HMSD: variants seen among roughly 807,000 people sequenced by gnomAD.
HMSD encodes serpin-like protein HMSD.
A neutral mutation model predicts 10.0 loss-of-function variants in HMSD; 13 were observed. That is an observed-to-expected ratio of 1.31 (90% CI 0.85 to 2.08). The LOEUF (loss-of-function observed/expected upper bound fraction) is 2.08. HMSD is among the 30% of genes most tolerant of loss of function. HMSD has a pLI of 0.00. For synonymous variants in HMSD, 51 were observed against 54.2 expected (o/e 0.94, Z 0.26); for missense variants, 169 against 166.3 (o/e 1.02, Z -0.09).
rs549816368 is a variant in HMSD at position 63,961,617 on chromosome 18, G to A, written c.*1262G>A. ...AGCTGTACCCTCCCTGGGTCTCAAC[G>A]TGGCTCACTTCCCTCCAGCCTGGAA... On this transcript the variant is annotated 3_prime_UTR_variant, in exon 4 of 4. Coordinates refer to ENST00000408945, the MANE Select transcript of HMSD (RefSeq NM_001123366.2). The A allele has an allele frequency of 1.2e-4, 18 of 152,382 alleles. No individual in the cohort carries two copies. The highest frequency in any genetic ancestry group is 4.1e-4 in the African/African-American group (17 of 41,548). The allele number at this position is 152,382 out of a possible 1,614,324, so 9.4% of individuals were successfully genotyped here.
rs1456546753 is a variant in HMSD, at chr18:63,960,253, C to T, written c.318C>T (p.Ser106=). The change falls in exon 4 of 4, where the codon TCC becomes TCT. Residue 106 remains serine, a synonymous_variant. Coordinates refer to ENST00000408945, the MANE Select transcript of HMSD (RefSeq NM_001123366.2). ...AGAAGTCCACAACACGTGTAAACTC[C>T]TGGGTTGCTGATAAAACTAAAGGTG... ...DTEKSTTRVN[S]WVADKTKGEN... The T allele has an allele frequency of 2.0e-5, 32 of 1,613,390 alleles. No homozygotes were observed. The highest frequency in any genetic ancestry group is 2.7e-5 in the Non-Finnish European group (32 of 1,179,778).
chr18:63,967,547 G>A (rs1197181786), intron 3 of HMSD, among the ~76,000 whole-genome samples: 1 of 152,178 alleles, frequency 6.6e-6, no homozygotes, highest in Admixed American at 6.5e-5. Flanking sequence ...TTCTTGACAA[G>A]TGGAAGTCTA....
intron 2 of HMSD, among the ~76,000 whole-genome samples, 166 bp downstream of exon 2, chr18:63,953,693 G>C (rs1454290753): frequency 6.6e-6 from 1 of 152,212 alleles, no homozygotes; most frequent in African/African-American, 2.4e-5. Flanking sequence ...TTCAAGGCCT[G>C]ACCTTCTTGG....
intron 3 of HMSD, among the ~76,000 whole-genome samples, chr18:63,955,753 A>G (rs2050354717): frequency 6.6e-6 from 1 of 152,118 alleles, no homozygotes; most frequent in South Asian, 2.1e-4. Flanking sequence ...CCATGTCGAG[A>G]TCCATCTAGG....
downstream of HMSD, among the ~76,000 whole-genome samples, chr18:63,963,148 TCTCTC>T (rs1460258889): frequency 4.0e-4 from 56 of 138,834 alleles, no homozygotes; most frequent in South Asian, 4.4e-4. Flanking sequence ...CTTTCTTCTC[TCTCTC>T]TTCTTTCTTT....
In HMSD at chr18:63,960,496, C is replaced by G. The variant is rs2050380849; in HGVS notation, c.*141C>G. 3 of 1,265,426 alleles carry G rather than the reference C, an allele frequency of 2.4e-6. No homozygotes were observed. Among genetic ancestry groups the G allele is most frequent in the African/African-American group, 3.1e-5 (2 of 65,060 alleles). 78.4% of individuals were successfully genotyped at this position (1,265,426 alleles called of 1,614,324 possible). On this transcript the variant is annotated 3_prime_UTR_variant, in exon 4 of 4. Coordinates refer to ENST00000408945, the MANE Select transcript of HMSD (RefSeq NM_001123366.2). ...GATGTCTCTCTAGATGAAATAATCT[C>G]TTCCAGGTTTTTTTGCTTGTTAATA... is the stretch of plus-strand genomic sequence containing the variant.
chr18:63,951,960 T>TA (rs1300840765), intron 1 of HMSD, among the ~76,000 whole-genome samples: 2 of 151,780 alleles, frequency 1.3e-5, no homozygotes, highest in African/African-American at 4.8e-5. Context: ...TATGCAGCCA[T>TA]AAAAAATGAT....
intron 3 of HMSD, among the ~76,000 whole-genome samples, chr18:63,959,793 T>C (rs1254087836): frequency 6.6e-6 from 1 of 152,202 alleles, no homozygotes; most frequent in Non-Finnish European, 1.5e-5. Context: ...GTTCTATTAG[T>C]TGTTGCCTTA....
At chr18:63,955,827 C>T (rs190271548) in intron 3 of HMSD, among the ~76,000 whole-genome samples, 1 of 152,328 alleles carries the variant, frequency 6.6e-6, no homozygotes, top group East Asian at 1.9e-4. Flanking sequence ...GGGATCAGTG[C>T]GGTCAGGAGG....
At position 63,961,703 on chromosome 18, in the gene HMSD, C is replaced by G. The variant is rs2050387633; in HGVS notation, c.*1348C>G. On this transcript the variant is annotated 3_prime_UTR_variant, in exon 4 of 4. Transcript: ENST00000408945. ...CAGGAATCGCCTCTTCCTCTTGTTA[C>G]TGCAAAGCCTGCCTTCCACAGCCCC... 6.6e-6 allele frequency: 1 copy of G among 152,300 alleles called. No individual in the cohort carries two copies. The highest frequency in any genetic ancestry group is 1.5e-5 in the Non-Finnish European group (1 of 68,092). The allele number at this position is 152,300 out of a possible 1,614,324, so 9.4% of individuals were successfully genotyped here. A position where few individuals can be genotyped will look rare whatever the true frequency, so the allele number is the denominator to read the frequency against.
At chr18:63,951,379 C>T (rs1414413670) in intron 1 of HMSD, among the ~76,000 whole-genome samples, 1 of 152,114 alleles carries the variant, frequency 6.6e-6, no homozygotes, top group African/African-American at 2.4e-5. Flanking sequence ...AAAAATTGGT[C>T]TCTGTTTATG....
downstream of HMSD, among the ~76,000 whole-genome samples, chr18:63,963,081 CTTTCTTTCTTTCTTTCTT>C (rs2050394098): frequency 1.1e-3 from 85 of 78,570 alleles, 1 homozygote; most frequent in Middle Eastern, 6.6e-3. Flanking sequence ...CTCTTTCTTT[CTTTCTTTCTTTCTTTCTT>C]TCTTTCTTTC....
At chr18:63,953,242 T>C in intron 1 of HMSD, 112 bp from the exon 2 acceptor site, 1 of 490,700 alleles carries the variant, frequency 2.0e-6, no homozygotes, top group African/African-American at 1.9e-5. Context: ...TGTGTGTACC[T>C]ATTTGTTCAA....
At chr18:63,958,441 C>T (rs8092733) in intron 3 of HMSD, among the ~76,000 whole-genome samples, 250 of 152,220 alleles carry the variant, frequency 1.6e-3, no homozygotes, top group African/African-American at 5.4e-3. Flanking sequence ...AAATATTTAG[C>T]TGTGAGCAGT....
At chr18:63,963,220 C>T (rs1388385896), downstream of HMSD, among the ~76,000 whole-genome samples, 2 of 77,462 alleles carry the variant, frequency 2.6e-5, no homozygotes, top group East Asian at 3.3e-4. Flanking sequence ...TCCTTCCTTC[C>T]TTCCTTGCTT....
chr18:63,960,301 C>G lies in HMSD; in HGVS notation c.366C>G (p.Phe122Leu), dbSNP rs772541743. 6.2e-7 allele frequency: 1 copy of G among 1,606,080 alleles called. No individual in the cohort carries two copies. The highest frequency in any genetic ancestry group is 1.1e-5 in the South Asian group (1 of 89,508). Residue 122 changes from phenylalanine to leucine, a missense_variant, in exon 4 of 4, where the codon TTC (phenylalanine) becomes TTG (leucine). Coordinates refer to ENST00000408945, the MANE Select transcript of HMSD (RefSeq NM_001123366.2). ...TKGENILLFY[F>L]DNILNSFIVS... ...GTGAAAATATATTGTTATTCTATTT[C>G]GATAATATTTTAAACAGTTTTATAG...
intron 1 of HMSD, among the ~76,000 whole-genome samples, chr18:63,951,637 C>G (rs940743358): frequency 6.6e-6 from 1 of 151,918 alleles, no homozygotes; most frequent in East Asian, 1.9e-4. Flanking sequence ...GAAAAACAGA[C>G]GTGTAAAAAA....
chr18:63,957,696 A>G (rs1424652103), intron 3 of HMSD, among the ~76,000 whole-genome samples: 2 of 152,188 alleles, frequency 1.3e-5, no homozygotes, highest in Non-Finnish European at 2.9e-5. Flanking sequence ...AGTTTTCTAT[A>G]TAAAGACAAC....
chr18:63,953,671 A>G (rs1399744749), intron 2 of HMSD, 144 bp downstream of exon 2: 2 of 718,620 alleles, frequency 2.8e-6, no homozygotes, highest in African/African-American at 3.5e-5. Flanking sequence ...AATTGGCAGG[A>G]TGGAGCATGT....
Sources: gnomAD v4.1 joint callset for allele counts (sites outside exome capture counted in the v4.1 genomes callset) on GRCh38, gnomAD v4.1.1 for gene constraint, MANE v1.5 for transcripts, NCBI Gene and HGNC (gene_info 2026-07-23, HGNC 2026-07-21) for gene names.